The following SNAP25 variants were observed in gnomAD, a reference collection of about 807,000 sequenced individuals.
SNAP25 encodes the protein synaptosomal-associated protein 25.
Under a neutral mutation model 28.7 loss-of-function variants are expected in SNAP25, and 3 were observed. The observed-to-expected ratio is 0.10, with a 90% confidence interval of 0.05 to 0.27. The LOEUF is 0.27. SNAP25 is among the 10% of genes least tolerant of loss of function. The pLI is 1.00. For missense variants in SNAP25, 117 were observed against 278.7 expected, an observed-to-expected ratio of 0.42 and a Z score of 4.13; for synonymous variants, 61 against 88.1, an observed-to-expected ratio of 0.69 and a Z score of 1.72.
At chr20:10,227,093 T>G (rs2122636688) in intron 1 of SNAP25, among the ~76,000 whole-genome samples, 1 of 152,242 alleles carries the variant, frequency 6.6e-6, no homozygotes, top group East Asian at 1.9e-4. Flanking sequence ...TTCCTGTCAT[T>G]AAACAAAGTT....
intron 1 of SNAP25, among the ~76,000 whole-genome samples, chr20:10,267,740 C>T (rs1452641539): frequency 2.0e-5 from 3 of 152,072 alleles, no homozygotes; most frequent in South Asian, 2.1e-4. Context: ...TTAGTAGAAG[C>T]GGGGTTTCAC....
chr20:10,252,840 T>G (rs1251467389), intron 1 of SNAP25, among the ~76,000 whole-genome samples: 1 of 151,822 alleles, frequency 6.6e-6, no homozygotes, highest in Non-Finnish European at 1.5e-5. Context: ...CTCAAAGAGA[T>G]TTAAGTTTTG....
intron 1 of SNAP25, among the ~76,000 whole-genome samples, chr20:10,229,477 T>C (rs919707308): frequency 2.0e-5 from 3 of 152,140 alleles, no homozygotes; most frequent in African/African-American, 4.8e-5. Flanking sequence ...GTTACAAGAA[T>C]AGCAGAATCT....
chr20:10,230,542 C>T (rs1189509911), intron 1 of SNAP25, among the ~76,000 whole-genome samples: 2 of 152,112 alleles, frequency 1.3e-5, no homozygotes, highest in Non-Finnish European at 2.9e-5. Context: ...ATGCAATTCC[C>T]AGGCCCCACA....
intron 1 of SNAP25, among the ~76,000 whole-genome samples, chr20:10,239,038 T>A (rs907343568): frequency 1.3e-5 from 2 of 152,090 alleles, no homozygotes; most frequent in Non-Finnish European, 2.9e-5. Context: ...AAAAATAAAG[T>A]TAGACCACAA....
intron 1 of SNAP25, among the ~76,000 whole-genome samples, chr20:10,256,681 C>A (rs1308827593): frequency 6.6e-6 from 1 of 151,768 alleles, no homozygotes; most frequent in African/African-American, 2.4e-5. Flanking sequence ...GATGTAAATG[C>A]AATGTTTGTG....
chr20:10,257,967 G>T (rs1262482788), intron 1 of SNAP25, among the ~76,000 whole-genome samples: 3 of 151,060 alleles, frequency 2.0e-5, no homozygotes, highest in East Asian at 3.9e-4. Flanking sequence ...TTACCTGTTT[G>T]TATTACTAAG....
intron 1 of SNAP25, among the ~76,000 whole-genome samples, chr20:10,225,693 G>A (rs1488579207): frequency 6.6e-6 from 1 of 152,090 alleles, no homozygotes; most frequent in Admixed American, 6.5e-5. Context: ...CTTCCAAGGT[G>A]GTCCATTTTT....
At chr20:10,249,925 T>C (rs189997570) in intron 1 of SNAP25, among the ~76,000 whole-genome samples, 227 of 152,240 alleles carry the variant, frequency 1.5e-3, no homozygotes, top group African/African-American at 5.3e-3. Context: ...ACCATCAGGA[T>C]CACCTGGAGA....
chr20:10,268,082 T>C (rs2063534362), intron 1 of SNAP25, among the ~76,000 whole-genome samples: 1 of 152,186 alleles, frequency 6.6e-6, no homozygotes, highest in Non-Finnish European at 1.5e-5. Flanking sequence ...TGAAAAGCAC[T>C]TAAAATAGTG....
At chr20:10,235,261 A>G (rs143736760) in intron 1 of SNAP25, among the ~76,000 whole-genome samples, 3 of 152,328 alleles carry the variant, frequency 2.0e-5, no homozygotes, top group African/African-American at 7.2e-5. Context: ...AAATAAAAAT[A>G]AATACATGGG....
At position 10,292,011 on chromosome 20, in the gene SNAP25, G is replaced by A. The variant is rs549014034; in HGVS notation, c.164-1150G>A. Among the ~76,000 whole-genome samples, 3 of 152,238 alleles carry A rather than the reference G, an allele frequency of 2.0e-5. No homozygotes were observed. In the South Asian group the frequency reaches 6.2e-4, roughly 32 times the overall value. ...AGTATGATTCATTTTTATGACTATT[G>A]ATCTATGTACTTAGATACACTAAGG... On this transcript the variant is annotated intron_variant, in intron 4 of 7. Coordinates refer to ENST00000254976, the MANE Select transcript of SNAP25 (RefSeq NM_130811.4).
rs567576904 is a variant in SNAP25 at position 10,245,292 on chromosome 20, C to T, written c.-64+26315C>T. Among the ~76,000 whole-genome samples, 6 of 152,120 alleles carry T rather than the reference C, an allele frequency of 3.9e-5. No homozygotes were observed. In the South Asian group the frequency reaches 8.3e-4, roughly 21 times the overall value. On this transcript the variant is annotated intron_variant, in intron 1 of 7. Transcript: ENST00000254976. ...CTGAATGTGCCCTTGGGAATTCAGACGGTCTTTGGTTTTAGGGAGGTTGGA... is the reference window on the plus strand; with the variant it reads ...CTGAATGTGCCCTTGGGAATTCAGATGGTCTTTGGTTTTAGGGAGGTTGGA...
intron 1 of SNAP25, among the ~76,000 whole-genome samples, chr20:10,248,747 T>C (rs2063173777): frequency 6.6e-6 from 1 of 152,248 alleles, no homozygotes; most frequent in Admixed American, 6.5e-5. Flanking sequence ...AAATCTGTAC[T>C]ATTGATCCAC....
At chr20:10,265,820 A>G (rs2063497051) in intron 1 of SNAP25, among the ~76,000 whole-genome samples, 1 of 152,150 alleles carries the variant, frequency 6.6e-6, no homozygotes, top group African/African-American at 2.4e-5. Flanking sequence ...TATGGAGATA[A>G]TGTGATTTAG....
intron 1 of SNAP25, among the ~76,000 whole-genome samples, chr20:10,263,458 C>A (rs945168156): frequency 6.6e-6 from 1 of 152,152 alleles, no homozygotes; most frequent in Non-Finnish European, 1.5e-5. Context: ...GAATACATAC[C>A]AGCTTCCTTC....
intron 6 of SNAP25, among the ~76,000 whole-genome samples, chr20:10,297,518 G>T (rs1202777732): frequency 6.6e-6 from 1 of 152,210 alleles, no homozygotes; most frequent in East Asian, 1.9e-4. Flanking sequence ...TTACAGAGGG[G>T]TGGGCAGGAC....
At chr20:10,254,965 T>G (rs554992521) in intron 1 of SNAP25, among the ~76,000 whole-genome samples, 1 of 152,286 alleles carries the variant, frequency 6.6e-6, no homozygotes, top group African/African-American at 2.4e-5. Flanking sequence ...TTCCGACTGT[T>G]TCTTCATCTG....
At chr20:10,295,679 G>A (rs80017845) in intron 5 of SNAP25, among the ~76,000 whole-genome samples, 2,994 of 116,458 alleles carry the variant, frequency 0.026, 83 homozygotes, top group African/African-American at 0.083. Context: ...GTTAAATTCT[G>A]GTGTCTTACA....
Sources: allele counts gnomAD v4.1 joint callset (sites outside exome capture counted in the v4.1 genomes callset), GRCh38; gene constraint gnomAD v4.1.1; transcripts MANE v1.5; gene names NCBI Gene and HGNC (gene_info 2026-07-23, HGNC 2026-07-21).